PPFIA2: variants seen among roughly 807,000 people sequenced by gnomAD.
The protein encoded by PPFIA2 is liprin-alpha-2.
A neutral mutation model predicts 175.5 loss-of-function variants in PPFIA2; 46 were observed. That is an observed-to-expected ratio of 0.26 (90% CI 0.21 to 0.34). The LOEUF (loss-of-function observed/expected upper bound fraction) is 0.34. PPFIA2 is among the 10% of genes least tolerant of loss of function. The probability of loss-of-function intolerance (pLI) is 1.00; values close to 1 mark genes in which losing one functional copy is unlikely to be tolerated. For synonymous variants in PPFIA2, 568 were observed against 511.4 expected, an observed-to-expected ratio of 1.11 and a Z score of -1.49; for missense variants, 1,179 against 1,506.1, an observed-to-expected ratio of 0.78 and a Z score of 3.60.
chr12:81,340,954 G>T, intron 20 of PPFIA2, 124 bp downstream of exon 20: 1 of 1,056,748 alleles, frequency 9.5e-7, no homozygotes, highest in Non-Finnish European at 1.3e-6. Context: ...ACTGGGAAAG[G>T]GAAGCTGGAG....
chr12:81,740,831 C>CA (rs577096372), intron 3 of PPFIA2, among the ~76,000 whole-genome samples: 37 of 146,452 alleles, frequency 2.5e-4, no homozygotes, highest in South Asian at 4.3e-4. Context: ...AAGAGCAGGC[C>CA]AAAAAAAAAT....
intron 7 of PPFIA2, among the ~76,000 whole-genome samples, chr12:81,436,168 C>T (rs1306651170): frequency 6.6e-6 from 1 of 150,940 alleles, no homozygotes; most frequent in Non-Finnish European, 1.5e-5. Context: ...GTAGTCCCAG[C>T]TACTCGTAAG....
chr12:81,501,857 G>C (rs759371056), intron 4 of PPFIA2, among the ~76,000 whole-genome samples: 5 of 152,096 alleles, frequency 3.3e-5, no homozygotes, highest in Non-Finnish European at 5.9e-5. Flanking sequence ...TTGTCAATTT[G>C]TTGCTAAGAA....
intron 4 of PPFIA2, among the ~76,000 whole-genome samples, chr12:81,669,265 CT>C (rs1402742853): frequency 1.3e-5 from 2 of 151,912 alleles, no homozygotes; most frequent in East Asian, 1.9e-4. Context: ...TGAAGTTCAC[CT>C]TTGTAATTTT....
intron 4 of PPFIA2, among the ~76,000 whole-genome samples, chr12:81,614,998 A>G (rs1337815374): frequency 6.6e-6 from 1 of 152,188 alleles, no homozygotes; most frequent in Non-Finnish European, 1.5e-5. Context: ...ACATCTTGGT[A>G]CTGCTTTGTG....
intron 4 of PPFIA2, among the ~76,000 whole-genome samples, chr12:81,531,368 T>C (rs1226261307): frequency 6.6e-6 from 1 of 151,692 alleles, no homozygotes; most frequent in Admixed American, 6.6e-5. Flanking sequence ...GGTAGAAGTA[T>C]GATAATAGTA....
rs988236218 is a variant in PPFIA2, at chr12:81,598,339, C to G, written c.303+78452G>C. 10 of 1,145,752 alleles carry G rather than the reference C, an allele frequency of 8.7e-6. No individual in the cohort carries two copies. In the African/African-American group the frequency reaches 1.6e-4, roughly 19 times the overall value. The allele number at this position is 1,145,752 out of a possible 1,614,324, so 71.0% of individuals were successfully genotyped here. ...ACGATAAATGGAGCTTGTGCAGAAT[C>G]TGGCAGTGCTGTGGACCTGCCCATC... On this transcript the variant is annotated intron_variant, in intron 4 of 32. Transcript: ENST00000549396.
intron 4 of PPFIA2, among the ~76,000 whole-genome samples, chr12:81,656,639 A>C (rs1299824844): frequency 8.5e-5 from 13 of 152,120 alleles, no homozygotes; most frequent in Admixed American, 4.6e-4. Context: ...TTTCTATAAA[A>C]GTTCTCACCA....
intron 4 of PPFIA2, chr12:81,512,336 C>T: frequency 2.3e-6 from 3 of 1,288,722 alleles, no homozygotes; most frequent in Non-Finnish European, 3.0e-6. Context: ...ACTGCTATCT[C>T]TTATGTACCT....
chr12:81,344,518 A>C, intron 19 of PPFIA2, 146 bp downstream of exon 19: 2 of 472,862 alleles, frequency 4.2e-6, no homozygotes, highest in East Asian at 6.9e-5. Flanking sequence ...TTCTATTATA[A>C]TCAAATTTAA....
chr12:81,285,428 T>G (rs967952188), intron 24 of PPFIA2, among the ~76,000 whole-genome samples: 2 of 152,120 alleles, frequency 1.3e-5, no homozygotes, highest in Non-Finnish European at 2.9e-5. Context: ...ACCATAACTT[T>G]TCCTGTATTA....
Position 81,261,812 on chromosome 12 carries a change from C to T in PPFIA2, c.*33+137G>A, listed in dbSNP as rs1475957602. 2.4e-5 allele frequency: 14 copies of T among 573,408 alleles called. No homozygotes were observed. The East Asian group carries it at 4.0e-4, about 17-fold the overall frequency. 35.5% of individuals were successfully genotyped at this position (573,408 alleles called of 1,614,324 possible). A position where few individuals can be genotyped will look rare whatever the true frequency, so the allele number is the denominator to read the frequency against. On this transcript the variant is annotated intron_variant, in intron 32 of 32. Transcript: ENST00000549396. ...GTTACAATATGAAGATTTCTTTTTC[C>T]CCTGAAGCAATTCAAAAGGGTTATC... is the stretch of plus-strand genomic sequence containing the variant.
chr12:81,468,009 C>A (rs766266559), intron 4 of PPFIA2, among the ~76,000 whole-genome samples: 27 of 152,294 alleles, frequency 1.8e-4, no homozygotes, highest in Non-Finnish European at 3.1e-4. Flanking sequence ...GAGACAAACC[C>A]AACGGCTTAG....
At chr12:81,444,009 C>T (rs2050755925) in intron 6 of PPFIA2, among the ~76,000 whole-genome samples, 1 of 151,048 alleles carries the variant, frequency 6.6e-6, no homozygotes, top group Non-Finnish European at 1.5e-5. Context: ...CGCCCGCCAC[C>T]ACGCCCAGCT....
chr12:81,593,065 T>C (rs1377766489), intron 4 of PPFIA2, among the ~76,000 whole-genome samples: 3 of 152,130 alleles, frequency 2.0e-5, no homozygotes, highest in African/African-American at 4.8e-5. Context: ...GCTAAGTATC[T>C]TTTTGAATAA....
chr12:81,459,783 C>T (rs980461949), intron 4 of PPFIA2, among the ~76,000 whole-genome samples: 2 of 152,068 alleles, frequency 1.3e-5, no homozygotes, highest in Admixed American at 1.3e-4. Context: ...ATTAGTCTTA[C>T]ATTTACTAAC....
chr12:81,673,291 G>T lies in PPFIA2; in HGVS notation c.303+3500C>A, dbSNP rs2071789416. 2.0e-5 allele frequency among the ~76,000 whole-genome samples: 3 copies of T among 152,050 alleles called. No homozygotes were observed. In the South Asian group the frequency reaches 6.2e-4, roughly 31 times the overall value. ...AGATACATAACAGAGTTCATGCATT[G>T]CACCCCAGTACTTCAGTATTCAAAG... On this transcript the variant is annotated intron_variant, in intron 4 of 32. Transcript: ENST00000549396.
intron 4 of PPFIA2, among the ~76,000 whole-genome samples, chr12:81,626,749 T>C (rs1009451866): frequency 6.6e-6 from 1 of 152,070 alleles, no homozygotes; most frequent in African/African-American, 2.4e-5. Context: ...TTTTGGACGA[T>C]GTGTATTATT....
chr12:81,439,562 G>A lies in PPFIA2; in HGVS notation c.645+410C>T, dbSNP rs554905845. Among the ~76,000 whole-genome samples, 4 of 152,260 alleles carry A rather than the reference G, an allele frequency of 2.6e-5. No homozygotes were observed. The South Asian group carries it at 8.3e-4, about 32-fold the overall frequency. ...ACTAAATATGAGTACAGTGCTTTTA[G>A]AAGATAAGAATAGGCAGGACCTGAG... On this transcript the variant is annotated intron_variant, in intron 7 of 32. Transcript: ENST00000549396.
Sources: gnomAD v4.1 joint callset for allele counts (sites outside exome capture counted in the v4.1 genomes callset) on GRCh38, gnomAD v4.1.1 for gene constraint, MANE v1.5 for transcripts, NCBI Gene and HGNC (gene_info 2026-07-23, HGNC 2026-07-21) for gene names.